The following TMC6 variants were observed in gnomAD, a reference collection of about 807,000 sequenced individuals.
TMC6 encodes transmembrane channel-like protein 6.
TMC6 carries 71 observed loss-of-function variants against 95.4 expected under a neutral mutation model. That is an observed-to-expected ratio of 0.74 (90% CI 0.61 to 0.91). TMC6 has a LOEUF of 0.91. TMC6 is among the 40% of genes least tolerant of loss of function. TMC6 has a pLI of 0.00. For missense variants in TMC6, 1,074 were observed against 1,079.1 expected (o/e 1.00, Z 0.07); for synonymous variants, 514 against 483.1 (o/e 1.06, Z -0.84).
intron 17 of TMC6, 58 bp downstream of exon 17, chr17:78,117,410 A>T (rs1190295670): frequency 1.2e-6 from 2 of 1,611,714 alleles, no homozygotes; most frequent in East Asian, 2.2e-5. Flanking sequence ...CAGTCCCCAC[A>T]CGGTGCAGGC....
In TMC6 at chr17:78,122,505, T is replaced by C; in HGVS notation, c.1227+100A>G. On this transcript the variant is annotated intron_variant, in intron 10 of 19. Coordinates refer to ENST00000590602, the MANE Select transcript of TMC6 (RefSeq NM_001127198.5). The surrounding 1 kb of genome is among the most constrained non-coding windows in gnomAD (Gnocchi z 4.9). ...AGTTCAGCTCACGGACAGCTGGCCC[T>C]CCCTCTAGACCATGGTTCTGGTCAC... The C allele has an allele frequency of 6.5e-7, 1 of 1,541,424 alleles. No homozygotes were observed.
chr17:78,119,133 T>G, intron 14 of TMC6, 87 bp from the exon 15 acceptor site: 1 of 1,505,934 alleles, frequency 6.6e-7, no homozygotes, highest in Non-Finnish European at 9.1e-7. Flanking sequence ...GCAGGGCATG[T>G]GACAGTGGCC....
upstream of TMC6, chr17:78,131,339 C>T (rs917506797): frequency 1.7e-6 from 1 of 595,352 alleles, no homozygotes; most frequent in Non-Finnish European, 3.0e-6. Flanking sequence ...GGGCTGGGCC[C>T]GAATTCGACC....
In TMC6 at chr17:78,110,172, G is replaced by GT. The variant is rs2073797431; in HGVS notation, c.*2975dup. On this transcript the variant is annotated 3_prime_UTR_variant, in exon 20 of 20. Coordinates refer to ENST00000590602, the MANE Select transcript of TMC6 (RefSeq NM_001127198.5). ...GGGCCTCAGGCACCAGTGTTTTTTT[G>GT]TTTGTTGGGACAGGGTCTTGCCATT... 3 of 152,640 alleles carry GT rather than the reference G, an allele frequency of 2.0e-5. No individual in the cohort carries two copies. Among genetic ancestry groups the GT allele is most frequent in the Admixed American group, 1.9e-4 (3 of 15,402 alleles). The allele number at this position is 152,640 out of a possible 1,614,324, so 9.5% of individuals were successfully genotyped here. A position where few individuals can be genotyped will look rare whatever the true frequency, so the allele number is the denominator to read the frequency against.
Position 78,110,575 on chromosome 17 carries a change from T to G in TMC6, c.*2573A>C, listed in dbSNP as rs1452352817. 2 of 152,158 alleles carry G rather than the reference T, an allele frequency of 1.3e-5. No individual in the cohort carries two copies. Among genetic ancestry groups the G allele is most frequent in the Admixed American group, 1.3e-4 (2 of 15,286 alleles). The allele number at this position is 152,158 out of a possible 1,614,324, so 9.4% of individuals were successfully genotyped here. On this transcript the variant is annotated 3_prime_UTR_variant, in exon 20 of 20. Transcript: ENST00000590602. ...CACCACCTCCAGCAAGTACCAGTGT[T>G]TTTAAAACCTCCCTGGTAGATTCCG... is the stretch of plus-strand genomic sequence containing the variant.
At position 78,113,158 on chromosome 17, in the gene TMC6, T is replaced by C. The variant is rs1261362844; in HGVS notation, c.2408A>G (p.Gln803Arg). Residue 803 changes from glutamine (Q) to arginine (R), a missense_variant, in exon 20 of 20, where the codon CAG (glutamine) becomes CGG (arginine). By Grantham distance (43) the Gln-to-Arg change is conservative. Transcript: ENST00000590602. The part of the protein sequence containing the change: ...AAPPALLTDE[Q>R]DA ...CCCATCGCCGTCCCCCTAGGCATCCTGTTCATCTGTGAGCAGGGCAGGGGG... is the reference window on the plus strand; with the variant it reads ...CCCATCGCCGTCCCCCTAGGCATCCCGTTCATCTGTGAGCAGGGCAGGGGG... 2.6e-6 allele frequency: 4 copies of C among 1,555,882 alleles called. No homozygotes were observed. The highest frequency in any genetic ancestry group is 3.5e-6 in the Non-Finnish European group (4 of 1,149,154).
chr17:78,131,792 C>A, upstream of TMC6: 1 of 1,539,860 alleles, frequency 6.5e-7, no homozygotes, highest in Non-Finnish European at 8.7e-7. Context: ...CGAGGCTGCC[C>A]CGTCGGATGG....
chr17:78,115,194 C>T (rs780551869), intron 18 of TMC6, among the ~76,000 whole-genome samples: 27 of 152,334 alleles, frequency 1.8e-4, no homozygotes, highest in Non-Finnish European at 2.4e-4. Flanking sequence ...CGAGCTGGGA[C>T]GAGCTGCCTG....
chr17:78,112,076 A>C lies in TMC6; in HGVS notation c.*1072T>G. The C allele has an allele frequency of 5.1e-6, 1 of 196,134 alleles. No individual in the cohort carries two copies. Among genetic ancestry groups the C allele is most frequent in the Non-Finnish European group, 1.0e-5 (1 of 98,712 alleles). 12.1% of individuals were successfully genotyped at this position (196,134 alleles called of 1,614,324 possible). ...GCTGGTCCCCGCAGGCCTGGAGCAC[A>C]GGCTGACGGGCTGGTCCCCGCAGGC... On this transcript the variant is annotated 3_prime_UTR_variant, in exon 20 of 20. Transcript: ENST00000590602.
At chr17:78,118,189 A>G (rs542215610) in intron 15 of TMC6, 4 of 589,928 alleles carry the variant, frequency 6.8e-6, no homozygotes, top group African/African-American at 3.7e-5. Flanking sequence ...AACACTGTAC[A>G]CACCACCTCC....
At chr17:78,119,432 T>G (rs375402587) in intron 13 of TMC6, 40 bp from the exon 14 acceptor site, 90 of 1,608,538 alleles carry the variant, frequency 5.6e-5, no homozygotes, top group Non-Finnish European at 7.3e-5. Flanking sequence ...GGGAAAGCCA[T>G]GCCCAGGGAG....
chr17:78,122,622 T>C lies in TMC6; in HGVS notation c.1210A>G (p.Ile404Val), dbSNP rs1228609644. Residue 404 changes from isoleucine to valine, a missense_variant, in exon 10 of 20, where the codon ATT becomes GTT. Coordinates refer to ENST00000590602, the MANE Select transcript of TMC6 (RefSeq NM_001127198.5). The surrounding 1 kb of genome is among the most constrained non-coding windows in gnomAD (Gnocchi z 4.9). ...KRASRLQQDN[I>V]RTRLKELLAE... ...CCACTCACCTTCAGCCGGGTGCGAA[T>C]ATTGTCCTGCTGGAGGCGGGAGGCC... The C allele has an allele frequency of 1.2e-6, 2 of 1,611,402 alleles. No homozygotes were observed. Among genetic ancestry groups the C allele is most frequent in the East Asian group, 2.2e-5 (1 of 44,868 alleles).
In TMC6 at chr17:78,122,837, C is replaced by T; in HGVS notation, c.1083-88G>A. Reference sequence around the variant, plus strand: ...AGGCAGACCGGATGCTCTGGGCAGCCAGACCCCACCACCCACTCAGGAGCC... The same window carrying T: ...AGGCAGACCGGATGCTCTGGGCAGCTAGACCCCACCACCCACTCAGGAGCC... On this transcript the variant is annotated intron_variant, in intron 9 of 19. Coordinates refer to ENST00000590602, the MANE Select transcript of TMC6 (RefSeq NM_001127198.5). This position sits in a 1 kb window ranked among gnomAD's most constrained non-coding sequence, Gnocchi z 4.9. 6.5e-7 allele frequency: 1 copy of T among 1,537,982 alleles called. No homozygotes were observed. Among genetic ancestry groups the T allele is most frequent in the South Asian group, 1.2e-5 (1 of 84,286 alleles).
At position 78,108,950 on chromosome 17, in the gene TMC6, T is replaced by TCTTCCGACCAGCGAG. The variant is rs142689353; in HGVS notation, c.*4197_*4198insCTCGCTGGTCGGAAG. The TCTTCCGACCAGCGAG allele has an allele frequency of 0.095, 15,157 of 159,284 alleles. 847 individuals carry two copies. Among genetic ancestry groups the TCTTCCGACCAGCGAG allele is most frequent in the African/African-American group, 0.15 (6,132 of 41,534 alleles). The allele number at this position is 159,284 out of a possible 1,614,324, so 9.9% of individuals were successfully genotyped here. Reference sequence around the variant, plus strand: ...TGACCTCAAGGTTAAGCTCCAGCGATCTTCCGACCTCAGCCTCCCAAGTAG... The same window carrying TCTTCCGACCAGCGAG: ...TGACCTCAAGGTTAAGCTCCAGCGATCTTCCGACCAGCGAGCTTCCGACCTCAGCCTCCCAAGTAG... On this transcript the variant is annotated 3_prime_UTR_variant, in exon 20 of 20. Coordinates refer to ENST00000590602, the MANE Select transcript of TMC6 (RefSeq NM_001127198.5).
chr17:78,131,771 G>GC, upstream of TMC6: 2 of 1,562,026 alleles, frequency 1.3e-6, no homozygotes, highest in Non-Finnish European at 1.7e-6. Flanking sequence ...CGGTGCGTGG[G>GC]GGGGGTGCTG....
At position 78,109,321 on chromosome 17, in the gene TMC6, C is replaced by CCT. The variant is rs1313834391; in HGVS notation, c.*3825_*3826dup. ...AGACAGTGGGGCATCCCGAGAAGAT[C>CCT]CTCTGCAGGAGTGCGGTGTCTACGG... On this transcript the variant is annotated 3_prime_UTR_variant, in exon 20 of 20. Coordinates refer to ENST00000590602, the MANE Select transcript of TMC6 (RefSeq NM_001127198.5). 5.3e-6 allele frequency: 2 copies of CCT among 379,932 alleles called. No individual in the cohort carries two copies. The highest frequency in any genetic ancestry group is 1.1e-5 in the Non-Finnish European group (2 of 188,342). The allele number at this position is 379,932 out of a possible 1,614,324, so 23.5% of individuals were successfully genotyped here.
At chr17:78,117,411 C>A (rs531169296) in intron 17 of TMC6, 57 bp downstream of exon 17, 9 of 1,611,686 alleles carry the variant, frequency 5.6e-6, no homozygotes, top group Non-Finnish European at 5.9e-6. Context: ...AGTCCCCACA[C>A]GGTGCAGGCC....
chr17:78,115,693 G>A (rs1185913586), intron 18 of TMC6, among the ~76,000 whole-genome samples: 25 of 61,950 alleles, frequency 4.0e-4, no homozygotes, highest in Non-Finnish European at 4.8e-4. Context: ...CGAAGGGAGT[G>A]GGCACAGGGG....
At chr17:78,131,174 G>A (rs776977574), upstream of TMC6, 4 of 309,304 alleles carry the variant, frequency 1.3e-5, no homozygotes, top group Non-Finnish European at 2.5e-5. Context: ...TTGGGGTGAC[G>A]GTGGGCCCAG....
Sources: allele counts gnomAD v4.1 joint callset (sites outside exome capture counted in the v4.1 genomes callset), GRCh38; gene constraint gnomAD v4.1.1; non-coding constraint Gnocchi (gnomAD v3.1); transcripts MANE v1.5; gene names NCBI Gene and HGNC (gene_info 2026-07-23, HGNC 2026-07-21).